The following TRAPPC9 variants were observed in gnomAD, a reference collection of about 807,000 sequenced individuals.
TRAPPC9 encodes IKK2 binding protein.
A neutral mutation model predicts 124.0 loss-of-function variants in TRAPPC9; 83 were observed. The ratio of observed to expected loss-of-function variants is 0.67; its 90% CI spans 0.56 to 0.80. The LOEUF (loss-of-function observed/expected upper bound fraction) is 0.80. Ranked by LOEUF, TRAPPC9 falls within the 30% of genes least tolerant of loss-of-function variation. The pLI, the probability that TRAPPC9 is intolerant of heterozygous loss-of-function variation, is 0.00. For missense variants in TRAPPC9, 1,302 were observed against 1,508.3 expected, an observed-to-expected ratio of 0.86 and a Z score of 2.27; for synonymous variants, 638 against 617.5, an observed-to-expected ratio of 1.03 and a Z score of -0.49.
In TRAPPC9 at chr8:140,048,426, G is replaced by A. The variant is rs189870588; in HGVS notation, c.2557-24347C>T. Among the ~76,000 whole-genome samples, 476 of 152,170 alleles carry A rather than the reference G, an allele frequency of 3.1e-3. 2 individuals carry two copies. The highest frequency in any genetic ancestry group is 5.1e-3 in the Non-Finnish European group (348 of 68,012). On this transcript the variant is annotated intron_variant, in intron 17 of 22. Transcript: ENST00000438773. ...TCTTGGGAGGAAGAGTAGGAAAGTC[G>A]GGGTGAGGGCAACATTTCTGGACAA...
chr8:140,218,375 T>A (rs1433719581), intron 17 of TRAPPC9, among the ~76,000 whole-genome samples: 1 of 152,012 alleles, frequency 6.6e-6, no homozygotes, highest in African/African-American at 2.4e-5. Context: ...ATGGACAAAG[T>A]CATCAAGAAC....
intron 21 of TRAPPC9, among the ~76,000 whole-genome samples, chr8:139,771,853 A>G (rs1251018500): frequency 6.6e-6 from 1 of 152,194 alleles, no homozygotes; most frequent in Non-Finnish European, 1.5e-5. Flanking sequence ...GTGTGTCTCT[A>G]GGACACAACA....
At chr8:140,060,536 CCCCATCCCTA>C (rs1353741458) in intron 17 of TRAPPC9, among the ~76,000 whole-genome samples, 3 of 152,138 alleles carry the variant, frequency 2.0e-5, no homozygotes, top group Admixed American at 2.0e-4. Flanking sequence ...CTTTGCCATT[CCCCATCCCTA>C]CCCATCCTTA....
chr8:139,802,079 G>T (rs1823575232), intron 21 of TRAPPC9, among the ~76,000 whole-genome samples: 2 of 152,164 alleles, frequency 1.3e-5, no homozygotes, highest in Non-Finnish European at 2.9e-5. Flanking sequence ...TCTTCCTCTA[G>T]CCCATTCCTC....
intron 21 of TRAPPC9, among the ~76,000 whole-genome samples, chr8:139,803,809 A>G (rs1158826241): frequency 6.6e-6 from 1 of 152,128 alleles, no homozygotes; most frequent in Non-Finnish European, 1.5e-5. Flanking sequence ...CTGCTGCTCC[A>G]CTTTACCACT....
At chr8:140,024,206 A>G in intron 17 of TRAPPC9, 127 bp from the exon 18 acceptor site, 1 of 1,217,672 alleles carries the variant, frequency 8.2e-7, no homozygotes, top group East Asian at 2.4e-5. Context: ...AGTCATCAGC[A>G]TTGGCCGACT....
At chr8:139,932,451 C>T (rs1240841002) in intron 19 of TRAPPC9, 1 of 457,784 alleles carries the variant, frequency 2.2e-6, no homozygotes. Context: ...GTTGGCTGAC[C>T]TGACTCCTGG....
At chr8:140,016,184 T>C (rs1839452017) in intron 18 of TRAPPC9, among the ~76,000 whole-genome samples, 1 of 152,356 alleles carries the variant, frequency 6.6e-6, no homozygotes, top group Admixed American at 6.5e-5. Context: ...AAATCAAGGT[T>C]AAAATTTACA....
chr8:139,824,387 C>A (rs1406129901), intron 21 of TRAPPC9, among the ~76,000 whole-genome samples: 1 of 152,120 alleles, frequency 6.6e-6, no homozygotes, highest in Non-Finnish European at 1.5e-5. Context: ...TCAGTCACCA[C>A]GTGGCTAAGG....
At chr8:140,041,968 CA>C (rs35612059) in intron 17 of TRAPPC9, among the ~76,000 whole-genome samples, 4,220 of 135,832 alleles carry the variant, frequency 0.031, 139 homozygotes, top group African/African-American at 0.095. Flanking sequence ...AAGATTGTCT[CA>C]AAAAAAAAAA....
chr8:140,222,730 G>A (rs1253188959), intron 16 of TRAPPC9, among the ~76,000 whole-genome samples: 1 of 152,212 alleles, frequency 6.6e-6, no homozygotes, highest in Non-Finnish European at 1.5e-5. Context: ...TGCCTCCTGA[G>A]GAGTTATCTT....
intron 21 of TRAPPC9, among the ~76,000 whole-genome samples, chr8:139,765,220 G>A (rs764634103): frequency 1.8e-4 from 28 of 152,302 alleles, no homozygotes; most frequent in African/African-American, 6.3e-4. Flanking sequence ...GCTCAGAGGC[G>A]GACCTCACCA....
At chr8:140,019,660 C>T (rs1839710912) in intron 18 of TRAPPC9, among the ~76,000 whole-genome samples, 1 of 138,972 alleles carries the variant, frequency 7.2e-6, no homozygotes, top group African/African-American at 2.7e-5. Context: ...TCAAGCGATT[C>T]TCATGCCTCA....
In TRAPPC9 at chr8:140,047,219, T is replaced by C. The variant is rs1297255613; in HGVS notation, c.2557-23140A>G. Among the ~76,000 whole-genome samples, 4 of 152,198 alleles carry C rather than the reference T, an allele frequency of 2.6e-5. No individual in the cohort carries two copies. In the East Asian group the frequency reaches 5.8e-4, roughly 22 times the overall value. ...GTCACCCGCCCGGGCTGTGCCTCCTTCCACATCACACACGCGCACGCACAA... is the reference window on the plus strand; with the variant it reads ...GTCACCCGCCCGGGCTGTGCCTCCTCCCACATCACACACGCGCACGCACAA... On this transcript the variant is annotated intron_variant, in intron 17 of 22. Coordinates refer to ENST00000438773, the MANE Select transcript of TRAPPC9 (RefSeq NM_001160372.4).
chr8:139,824,745 T>C (rs899599103), intron 21 of TRAPPC9, among the ~76,000 whole-genome samples: 5 of 152,020 alleles, frequency 3.3e-5, no homozygotes, highest in African/African-American at 1.2e-4. Flanking sequence ...TATTTTTTAA[T>C]AGAGATGTGG....
intron 21 of TRAPPC9, among the ~76,000 whole-genome samples, chr8:139,817,106 G>C (rs1490693458): frequency 8.1e-6 from 1 of 123,572 alleles, no homozygotes; most frequent in Non-Finnish European, 1.6e-5. Context: ...AGCACCCCCA[G>C]GGTGCTGCAG....
chr8:140,027,758 A>C (rs1840243506), intron 17 of TRAPPC9, among the ~76,000 whole-genome samples: 1 of 152,216 alleles, frequency 6.6e-6, no homozygotes, highest in Non-Finnish European at 1.5e-5. Context: ...AGGCCTCAGG[A>C]AATGTAGAAT....
At chr8:140,387,650 A>G (rs1451836958) in intron 7 of TRAPPC9, among the ~76,000 whole-genome samples, 1 of 152,232 alleles carries the variant, frequency 6.6e-6, no homozygotes, top group Non-Finnish European at 1.5e-5. Context: ...GCCATCAGAG[A>G]AATGCAAATC....
chr8:140,421,750 G>A (rs1472956319), intron 5 of TRAPPC9, among the ~76,000 whole-genome samples: 6 of 152,052 alleles, frequency 3.9e-5, no homozygotes, highest in Middle Eastern at 3.2e-3. Context: ...TTTAGTTAAC[G>A]AAATGGAATC....
Sources: gnomAD v4.1 joint callset for allele counts (sites outside exome capture counted in the v4.1 genomes callset) on GRCh38, gnomAD v4.1.1 for gene constraint, MANE v1.5 for transcripts, NCBI Gene and HGNC (gene_info 2026-07-23, HGNC 2026-07-21) for gene names.